NTNG1: variants seen among roughly 807,000 people sequenced by gnomAD.
NTNG1 encodes netrin G1, also known as netrin-G1.
A neutral mutation model predicts 54.0 loss-of-function variants in NTNG1; 16 were observed. The ratio of observed to expected loss-of-function variants is 0.30; its 90% confidence interval spans 0.20 to 0.45. The LOEUF (loss-of-function observed/expected upper bound fraction) is 0.45. Among genes scored for constraint, NTNG1 ranks in the 20% least tolerant of loss-of-function variants. The pLI is 1.00. For synonymous variants in NTNG1, 255 were observed against 263.1 expected, an observed-to-expected ratio of 0.97 and a Z score of 0.30; for missense variants, 530 against 678.7, an observed-to-expected ratio of 0.78 and a Z score of 2.43.
intron 2 of NTNG1, among the ~76,000 whole-genome samples, chr1:107,155,750 G>T (rs1441664458): frequency 6.6e-6 from 1 of 152,056 alleles, no homozygotes; most frequent in Admixed American, 6.6e-5. Context: ...ATGATAACAT[G>T]GTTCTAGCTA....
intron 2 of NTNG1, among the ~76,000 whole-genome samples, chr1:107,272,646 C>T (rs1009158347): frequency 6.6e-6 from 1 of 152,088 alleles, no homozygotes; most frequent in Admixed American, 6.6e-5. Flanking sequence ...GCCGTCAACC[C>T]CCAGAAGGAA....
At chr1:107,315,736 A>G (rs1318206762) in intron 2 of NTNG1, among the ~76,000 whole-genome samples, 1 of 152,076 alleles carries the variant, frequency 6.6e-6, no homozygotes, top group Non-Finnish European at 1.5e-5. Flanking sequence ...TTTATATGTA[A>G]TTATATAATT....
intron 6 of NTNG1, among the ~76,000 whole-genome samples, chr1:107,431,837 T>C (rs926155471): frequency 1.3e-5 from 2 of 152,182 alleles, no homozygotes; most frequent in East Asian, 3.9e-4. Context: ...GTTTTAAAGG[T>C]AGACTTTTTC....
chr1:107,166,793 TG>T (rs1655828601), intron 2 of NTNG1, among the ~76,000 whole-genome samples: 1 of 152,250 alleles, frequency 6.6e-6, no homozygotes, highest in South Asian at 2.1e-4. Flanking sequence ...GGATTGACCC[TG>T]GCCTTTGCCT....
intron 2 of NTNG1, among the ~76,000 whole-genome samples, chr1:107,316,961 G>A (rs1053127485): frequency 5.3e-5 from 8 of 152,172 alleles, no homozygotes; most frequent in Non-Finnish European, 7.4e-5. Flanking sequence ...AAGTGCCACC[G>A]TAGGAAGGTC....
rs775049592 is a variant in NTNG1 at position 107,324,754 on chromosome 1, T to G, written c.719T>G (p.Met240Arg). Residue 240 changes from methionine to arginine, a missense_variant, in exon 3 of 8, where the codon ATG (methionine) becomes AGG (arginine). By Grantham distance (91) the Met-to-Arg change is moderately conservative. Coordinates refer to ENST00000370068, the MANE Select transcript of NTNG1 (RefSeq NM_001113226.3). Reference protein sequence around the residue: ...AFFAGPRLRNMASLYGQLDTT... With the variant: ...AFFAGPRLRNRASLYGQLDTT... ...TTTGCTGGACCTCGCCTACGCAATA[T>G]GGCTTCCCTCTACGGACAGCTGGAT... 1.2e-6 allele frequency: 2 copies of G among 1,613,604 alleles called. No individual in the cohort carries two copies. Among genetic ancestry groups the G allele is most frequent in the Non-Finnish European group, 1.7e-6 (2 of 1,179,790 alleles).
chr1:107,458,493 T>A (rs371356149), intron 7 of NTNG1, among the ~76,000 whole-genome samples: 494 of 152,318 alleles, frequency 3.2e-3, no homozygotes, highest in Middle Eastern at 0.017. Context: ...CTAAGGTCAC[T>A]GCCTTCATTG....
chr1:107,310,075 G>C (rs1455081133), intron 2 of NTNG1, among the ~76,000 whole-genome samples: 1 of 152,014 alleles, frequency 6.6e-6, no homozygotes, highest in African/African-American at 2.4e-5. Context: ...TAACCATAAG[G>C]GTGTTGAATG....
chr1:107,169,480 C>T (rs1259673866), intron 2 of NTNG1, among the ~76,000 whole-genome samples: 3 of 152,018 alleles, frequency 2.0e-5, no homozygotes, highest in Non-Finnish European at 4.4e-5. Flanking sequence ...CCTTAGAGCT[C>T]TCCTTCATAT....
chr1:107,398,383 T>C (rs1335768286), intron 4 of NTNG1, among the ~76,000 whole-genome samples: 1 of 152,168 alleles, frequency 6.6e-6, no homozygotes, highest in Non-Finnish European at 1.5e-5. Context: ...GACAATATTC[T>C]TCCCCAAGAC....
chr1:107,184,925 A>C (rs888266487), intron 2 of NTNG1, among the ~76,000 whole-genome samples: 1 of 152,154 alleles, frequency 6.6e-6, no homozygotes, highest in African/African-American at 2.4e-5. Flanking sequence ...TAGAGTTTCC[A>C]CTGGGAGAAC....
intron 2 of NTNG1, among the ~76,000 whole-genome samples, chr1:107,286,309 T>G (rs1353061564): frequency 6.6e-6 from 1 of 152,152 alleles, no homozygotes; most frequent in Non-Finnish European, 1.5e-5. Context: ...CTTTCATATT[T>G]CTCAGTAACA....
At chr1:107,331,764 G>C (rs1668294076) in intron 3 of NTNG1, among the ~76,000 whole-genome samples, 1 of 151,954 alleles carries the variant, frequency 6.6e-6, no homozygotes, top group Non-Finnish European at 1.5e-5. Context: ...CCACATATAA[G>C]TCCACATTCT....
chr1:107,148,854 T>C lies in NTNG1; in HGVS notation c.246+15T>C, dbSNP rs760788480. The C allele has an allele frequency of 1.2e-6, 2 of 1,609,098 alleles. No individual in the cohort carries two copies. The highest frequency in any genetic ancestry group is 1.7e-6 in the Non-Finnish European group (2 of 1,176,420). ...TCTGTGCAATGGTGAGGTAACCCTT[T>C]TGCATAAAATATTTCATATAAATAG... On this transcript the variant is annotated intron_variant, in intron 2 of 7. Transcript: ENST00000370068.
At chr1:107,451,833 A>G (rs1376387809) in intron 7 of NTNG1, among the ~76,000 whole-genome samples, 1 of 152,146 alleles carries the variant, frequency 6.6e-6, no homozygotes, top group Non-Finnish European at 1.5e-5. Flanking sequence ...TGCCTTAAGG[A>G]TGTTGCTAAA....
At chr1:107,189,542 T>C (rs1657747294) in intron 2 of NTNG1, among the ~76,000 whole-genome samples, 1 of 151,936 alleles carries the variant, frequency 6.6e-6, no homozygotes, top group Admixed American at 6.6e-5. Context: ...CTTTCATAGT[T>C]TGCCAATATC....
At chr1:107,273,349 G>A (rs1327996714) in intron 2 of NTNG1, among the ~76,000 whole-genome samples, 1 of 152,182 alleles carries the variant, frequency 6.6e-6, no homozygotes, top group Non-Finnish European at 1.5e-5. Flanking sequence ...GTGAATTAAG[G>A]CAAATTATTA....
At position 107,396,242 on chromosome 1, in the gene NTNG1, C is replaced by G. The variant is rs78549351; in HGVS notation, c.1060+916C>G. 0.012 allele frequency among the ~76,000 whole-genome samples: 1,801 copies of G among 152,184 alleles called. 90 individuals carry two copies. In the East Asian group the frequency reaches 0.17, roughly 15 times the overall value. On this transcript the variant is annotated intron_variant, in intron 4 of 7. Coordinates refer to ENST00000370068, the MANE Select transcript of NTNG1 (RefSeq NM_001113226.3). ...AGAATCAGAACTTGAGAAGCCACTGCTTCCGTAGAAGGGTAAGAATGTTAT... is the reference window on the plus strand; with the variant it reads ...AGAATCAGAACTTGAGAAGCCACTGGTTCCGTAGAAGGGTAAGAATGTTAT...
chr1:107,277,932 G>A lies in NTNG1; in HGVS notation c.247-46350G>A, dbSNP rs529709360. Among the ~76,000 whole-genome samples the A allele has an allele frequency of 4.9e-4, 75 of 152,088 alleles. 2 individuals are homozygous for A. The highest frequency in any genetic ancestry group is 3.5e-3 in the Admixed American group (54 of 15,280). On this transcript the variant is annotated intron_variant, in intron 2 of 7. Coordinates refer to ENST00000370068, the MANE Select transcript of NTNG1 (RefSeq NM_001113226.3). The stretch of plus-strand genomic sequence containing the variant: ...TCTAATAAATAAATAAAACCCAATC[G>A]TTATTTCATATAACATTTTTCATGC...
Sources: gnomAD v4.1 joint callset for allele counts (sites outside exome capture counted in the v4.1 genomes callset) on GRCh38, gnomAD v4.1.1 for gene constraint, MANE v1.5 for transcripts, NCBI Gene and HGNC (gene_info 2026-07-23, HGNC 2026-07-21) for gene names.